Variants in FAM193A observed in about 807,000 individuals in gnomAD.
The protein encoded by FAM193A is family with sequence similarity 193 member A, also known as protein FAM193A.
Under a neutral mutation model 126.5 loss-of-function variants are expected in FAM193A, and 22 were observed. That is an observed-to-expected ratio of 0.17 (90% CI 0.12 to 0.25). The LOEUF (loss-of-function observed/expected upper bound fraction) is 0.25, where lower values mean the gene tolerates loss of function less well. Ranked by LOEUF, FAM193A falls within the 10% of genes least tolerant of loss-of-function variation. FAM193A has a pLI of 1.00. For synonymous variants in FAM193A, 761 were observed against 646.8 expected, an observed-to-expected ratio of 1.18 and a Z score of -2.68; for missense variants, 1,675 against 1,672.8, an observed-to-expected ratio of 1.00 and a Z score of -0.02.
chr4:2,612,947 T>C (rs1741964955), intron 2 of FAM193A, among the ~76,000 whole-genome samples: 1 of 152,214 alleles, frequency 6.6e-6, no homozygotes, highest in South Asian at 2.1e-4. Flanking sequence ...TGTCAGTTTC[T>C]ACAGAAAAGC....
chr4:2,582,859 T>C (rs1388470053), intron 1 of FAM193A, among the ~76,000 whole-genome samples: 3 of 152,186 alleles, frequency 2.0e-5, no homozygotes, highest in African/African-American at 4.8e-5. Context: ...TCTTTGCATA[T>C]TCTTCTCCCA....
At chr4:2,700,657 C>G in intron 19 of FAM193A, 113 bp downstream of exon 19, 1 of 1,357,880 alleles carries the variant, frequency 7.4e-7, no homozygotes, top group South Asian at 1.4e-5. Context: ...TGGCCTCCCT[C>G]CTGTAGAAAA....
intron 19 of FAM193A, among the ~76,000 whole-genome samples, chr4:2,701,651 C>T (rs1230121840): frequency 6.6e-6 from 1 of 152,138 alleles, no homozygotes; most frequent in Non-Finnish European, 1.5e-5. Context: ...AATATTTCTC[C>T]TTTGCTAATT....
chr4:2,562,968 G>A (rs183163730), intron 1 of FAM193A, among the ~76,000 whole-genome samples: 161 of 149,168 alleles, frequency 1.1e-3, no homozygotes, highest in African/African-American at 3.9e-3. Flanking sequence ...TTTTTGAGAC[G>A]GAGTCTTGCT....
At chr4:2,605,990 AAAAAAAAAT>A (rs1741520326) in intron 2 of FAM193A, among the ~76,000 whole-genome samples, 2 of 144,986 alleles carry the variant, frequency 1.4e-5, no homozygotes, top group African/African-American at 5.3e-5. Flanking sequence ...AAAAAAAAAA[AAAAAAAAAT>A]GGTTTAGTAA....
chr4:2,546,159 A>G (rs34859307), intron 1 of FAM193A, among the ~76,000 whole-genome samples: 2 of 147,630 alleles, frequency 1.4e-5, no homozygotes, highest in South Asian at 2.1e-4. Flanking sequence ...AAAAAAAAAA[A>G]TTTTTTTTTT....
At chr4:2,547,254 G>A (rs1318886376) in intron 1 of FAM193A, among the ~76,000 whole-genome samples, 1 of 152,060 alleles carries the variant, frequency 6.6e-6, no homozygotes, top group Non-Finnish European at 1.5e-5. Context: ...TGGTTGCGGT[G>A]GCACACACCT....
chr4:2,682,092 C>T (rs1560562259), intron 13 of FAM193A, among the ~76,000 whole-genome samples: 1 of 148,952 alleles, frequency 6.7e-6, no homozygotes, highest in East Asian at 2.0e-4. Flanking sequence ...TCACACCATT[C>T]TCCTGCCTCA....
At chr4:2,613,378 CTTTTT>C (rs552205895) in intron 2 of FAM193A, among the ~76,000 whole-genome samples, 1 of 120,774 alleles carries the variant, frequency 8.3e-6, no homozygotes, top group African/African-American at 3.1e-5. Context: ...AGAAATTCAG[CTTTTT>C]TTTTTTTTTT....
At chr4:2,593,238 G>A (rs1301229027) in intron 1 of FAM193A, among the ~76,000 whole-genome samples, 1 of 152,160 alleles carries the variant, frequency 6.6e-6, no homozygotes, top group Non-Finnish European at 1.5e-5. Context: ...AGCTGCTGCT[G>A]TCTGGCTCCT....
rs762658445 is a variant in FAM193A, at chr4:2,690,893, C to G, written c.2726C>G (p.Ser909Cys). Reference sequence around the variant, plus strand: ...ATGGCCACGTCATCAGCCACGTCCTCTGTGTCCTGCACAGCTACCACAGTG... The same window carrying G: ...ATGGCCACGTCATCAGCCACGTCCTGTGTGTCCTGCACAGCTACCACAGTG... ...VVMATSSATS[S>C]VSCTATTVQS... Residue 909 changes from serine (S) to cysteine (C), a missense_variant, in exon 15 of 21, where the codon TCT becomes TGT. Physicochemically the swap from Ser to Cys is moderately radical, Grantham distance 112. This residue lies in a region of FAM193A where 1,186 missense variants were observed against 1,109.2 expected (regional missense o/e 1.07). Transcript: ENST00000637812. 2 of 1,614,228 alleles carry G rather than the reference C, an allele frequency of 1.2e-6. No homozygotes were observed. Among genetic ancestry groups the G allele is most frequent in the South Asian group, 2.2e-5 (2 of 91,088 alleles).
At chr4:2,620,441 A>G (rs1433508763) in intron 2 of FAM193A, among the ~76,000 whole-genome samples, 1 of 152,218 alleles carries the variant, frequency 6.6e-6, no homozygotes, top group African/African-American at 2.4e-5. Context: ...AGGATTTCAG[A>G]TAGCAGTTTA....
chr4:2,716,388 C>T (rs946721499), intron 20 of FAM193A, among the ~76,000 whole-genome samples: 4 of 151,704 alleles, frequency 2.6e-5, no homozygotes, highest in Non-Finnish European at 2.9e-5. Context: ...GGCTGTTGCG[C>T]TTCTGAGGCG....
At position 2,642,134 on chromosome 4, in the gene FAM193A, CAAAAAAA is replaced by C. The variant is rs35799531; in HGVS notation, c.1163+2289_1163+2295del. 3.1e-3 allele frequency among the ~76,000 whole-genome samples: 268 copies of C among 86,202 alleles called. 2 individuals carry two copies. The highest frequency in any genetic ancestry group is 0.011 in the African/African-American group (256 of 23,068). The allele number at this position is 86,202 out of a possible 152,430, so 56.6% of individuals were successfully genotyped here. ...TGAAACCCCGTCTCTACTAAAAATA[CAAAAAAA>C]AAAAAAAAAAAAATTAGCTGGGCAT... On this transcript the variant is annotated intron_variant, in intron 6 of 20. Coordinates refer to ENST00000637812, the MANE Select transcript of FAM193A (RefSeq NM_001366318.2).
At chr4:2,598,493 C>G (rs1740998933) in intron 2 of FAM193A, among the ~76,000 whole-genome samples, 1 of 152,150 alleles carries the variant, frequency 6.6e-6, no homozygotes, top group Admixed American at 6.5e-5. Context: ...ATGATTTTTG[C>G]ATCTGTGCTC....
chr4:2,578,005 A>G (rs1049559017), intron 1 of FAM193A, among the ~76,000 whole-genome samples: 10 of 152,186 alleles, frequency 6.6e-5, no homozygotes, highest in African/African-American at 2.4e-4. Context: ...CTGGGAATAT[A>G]ATGACTATCC....
chr4:2,536,207 G>A (rs1338138703), upstream of FAM193A, among the ~76,000 whole-genome samples: 2 of 151,358 alleles, frequency 1.3e-5, no homozygotes, highest in Non-Finnish European at 3.0e-5. Context: ...TCAGAGAGGC[G>A]GAACTCCCTG....
chr4:2,635,577 G>T (rs1490419119), intron 5 of FAM193A, among the ~76,000 whole-genome samples: 1 of 152,106 alleles, frequency 6.6e-6, no homozygotes, highest in African/African-American at 2.4e-5. Context: ...TTGTTGCCCA[G>T]GCTGGAGTGC....
chr4:2,570,559 G>A (rs1739232638), intron 1 of FAM193A, among the ~76,000 whole-genome samples: 1 of 152,060 alleles, frequency 6.6e-6, no homozygotes, highest in East Asian at 1.9e-4. Context: ...TTTCGTTATA[G>A]GACACAGCAG....
Sources: gnomAD v4.1 joint callset for allele counts (sites outside exome capture counted in the v4.1 genomes callset) on GRCh38, gnomAD v4.1.1 for gene constraint, gnomAD v4.1.1 regional missense constraint, MANE v1.5 for transcripts, NCBI Gene and HGNC (gene_info 2026-07-23, HGNC 2026-07-21) for gene names.